Variants in PAK3 observed in about 807,000 individuals in gnomAD.
PAK3 encodes the protein p21 (RAC1) activated kinase 3, also known as serine/threonine-protein kinase PAK 3.
Under a neutral mutation model 41.0 loss-of-function variants are expected in PAK3, and 4 were observed. The observed-to-expected ratio is 0.10, with a 90% CI of 0.05 to 0.22. PAK3 has a LOEUF of 0.22. Ranked by LOEUF, PAK3 falls within the 10% of genes least tolerant of loss-of-function variation. PAK3 has a pLI of 1.00. For missense variants in PAK3, 205 were observed against 409.9 expected, an observed-to-expected ratio of 0.50 and a Z score of 4.32; for synonymous variants, 146 against 139.6, an observed-to-expected ratio of 1.05 and a Z score of -0.32.
At chrX:110,948,109 G>A (rs754008144) in intron 1 of PAK3, among the ~76,000 whole-genome samples, 1 of 111,897 alleles carries the variant, frequency 8.9e-6, no homozygotes, top group African/African-American at 3.3e-5. Context: ...TGCTTTGACT[G>A]CAGAGACCTA....
chrX:111,065,096 G>C (rs769669021), intron 1 of PAK3, among the ~76,000 whole-genome samples: 1 of 112,149 alleles, frequency 8.9e-6, no homozygotes, highest in South Asian at 3.7e-4. Context: ...GTACTATGTT[G>C]AATAGGAGTG....
intron 6 of PAK3, among the ~76,000 whole-genome samples, chrX:111,142,871 A>G (rs1358148338): frequency 9.0e-6 from 1 of 111,096 alleles, no homozygotes; most frequent in African/African-American, 3.3e-5. Flanking sequence ...TGGACAGACC[A>G]TAGCTATAGA....
chrX:110,975,394 A>G (rs2091307241), intron 1 of PAK3, among the ~76,000 whole-genome samples: 1 of 111,901 alleles, frequency 8.9e-6, no homozygotes, highest in Admixed American at 9.5e-5. Context: ...TAGGAATCCA[A>G]CTAACAAGGG....
At chrX:111,180,023 G>T (rs188042336) in intron 11 of PAK3, among the ~76,000 whole-genome samples, 1 of 111,264 alleles carries the variant, frequency 9.0e-6, no homozygotes, top group Non-Finnish European at 1.9e-5. Context: ...CTCCCAAAGT[G>T]CTGGGATTAC....
intron 1 of PAK3, among the ~76,000 whole-genome samples, chrX:110,978,297 T>A (rs754377525): frequency 2.8e-4 from 31 of 111,635 alleles, no homozygotes; most frequent in Admixed American, 4.8e-4. Context: ...TATTTTTTTG[T>A]TTTTGTTTTT....
chrX:110,953,996 A>C (rs1325354746), intron 1 of PAK3, among the ~76,000 whole-genome samples: 1 of 111,506 alleles, frequency 9.0e-6, no homozygotes, highest in Admixed American at 9.5e-5. Flanking sequence ...GACTTTTTCA[A>C]CTTTTGTTCT....
chrX:111,067,385 C>T (rs1004560452), intron 1 of PAK3, among the ~76,000 whole-genome samples: 4 of 111,399 alleles, frequency 3.6e-5, no homozygotes, highest in African/African-American at 9.8e-5. Flanking sequence ...TTATTTTTCT[C>T]ATTTTTTGTG....
intron 8 of PAK3, among the ~76,000 whole-genome samples, chrX:111,157,679 C>T (rs747860444): frequency 4.6e-5 from 5 of 108,910 alleles, no homozygotes; most frequent in South Asian, 4.0e-4. Flanking sequence ...CCCAGCTACT[C>T]GGGAGGCTGA....
intron 10 of PAK3, among the ~76,000 whole-genome samples, chrX:111,170,732 A>G (rs779468615): frequency 3.4e-4 from 38 of 111,500 alleles, no homozygotes; most frequent in South Asian, 1.9e-3. Flanking sequence ...TTTAAATGAC[A>G]AATAAGAATT....
rs142890115 is a variant in PAK3 at position 111,144,855 on chromosome X, T to C, written c.276+2659T>C. The C allele has an allele frequency of 6.2e-3, 6,916 of 1,120,401 alleles. 24 individuals are homozygous for C. Among genetic ancestry groups the C allele is most frequent in the Middle Eastern group, 8.5e-3 (35 of 4,126 alleles). The allele number at this position is 1,120,401 out of a possible 1,213,427, so 92.3% of individuals were successfully genotyped here. On this transcript the variant is annotated intron_variant, in intron 6 of 17. Transcript: ENST00000372007. ...ATATTGCCATTTTTGTCCCAAATAC[T>C]TCAGAACTCCCCTTTCCAGACCTCT...
At position 110,956,721 on chromosome X, in the gene PAK3, C is replaced by G. The variant is rs187495549; in HGVS notation, c.-28+12093C>G. ...AGTTCTGTCATTGCCCTCCCCACGCCTCCCCTGTCGGCTCCACCAGCCATA... is the reference window on the plus strand; with the variant it reads ...AGTTCTGTCATTGCCCTCCCCACGCGTCCCCTGTCGGCTCCACCAGCCATA... On this transcript the variant is annotated intron_variant, in intron 1 of 14. Coordinates refer to the PAK3 transcript ENST00000425146. Among the ~76,000 whole-genome samples the G allele has an allele frequency of 7.7e-3, 861 of 111,542 alleles. 9 individuals are homozygous for G. The highest frequency in any genetic ancestry group is 0.025 in the African/African-American group (779 of 30,646).
intron 14 of PAK3, among the ~76,000 whole-genome samples, chrX:111,194,834 A>G (rs1256334867): frequency 1.8e-5 from 2 of 112,058 alleles, no homozygotes; most frequent in African/African-American, 6.5e-5. Context: ...TTAGAAGGCA[A>G]TTTAAACAAG....
At chrX:111,171,203 G>C (rs992419091) in intron 10 of PAK3, among the ~76,000 whole-genome samples, 2 of 111,448 alleles carry the variant, frequency 1.8e-5, no homozygotes, top group Admixed American at 9.5e-5. Flanking sequence ...ATGAATACGA[G>C]TGACAACTAG....
intron 1 of PAK3, among the ~76,000 whole-genome samples, chrX:111,038,251 T>TAA (rs1470677471): frequency 1.8e-5 from 2 of 112,241 alleles, no homozygotes; most frequent in Non-Finnish European, 3.8e-5. Flanking sequence ...GACTATAGCA[T>TAA]AAAGGGCATT....
At chrX:111,163,424 C>CG (rs2094214537) in intron 9 of PAK3, 138 bp from the exon 10 acceptor site, 7 of 525,475 alleles carry the variant, frequency 1.3e-5, no homozygotes, top group Non-Finnish European at 2.3e-5. Context: ...CAGTGTTGTA[C>CG]TTTCAGCTAC....
At chrX:111,119,118 C>T (rs1467054687) in intron 4 of PAK3, among the ~76,000 whole-genome samples, 1 of 111,266 alleles carries the variant, frequency 9.0e-6, no homozygotes, top group Non-Finnish European at 1.9e-5. Context: ...GAGAGGTAAT[C>T]TCTCCTAGTA....
chrX:111,113,462 C>G (rs770025937), intron 4 of PAK3, among the ~76,000 whole-genome samples: 1 of 111,291 alleles, frequency 9.0e-6, no homozygotes, highest in African/African-American at 3.3e-5. Context: ...AAACACATTC[C>G]TTGTGTGTGG....
chrX:111,077,456 T>C (rs188489079), intron 1 of PAK3, among the ~76,000 whole-genome samples: 79 of 111,502 alleles, frequency 7.1e-4, no homozygotes, highest in African/African-American at 2.5e-3. Context: ...GGCATAAGAA[T>C]AGATATATAG....
At chrX:110,979,092 T>C (rs1233171471) in intron 1 of PAK3, among the ~76,000 whole-genome samples, 2 of 111,054 alleles carry the variant, frequency 1.8e-5, no homozygotes, top group Non-Finnish European at 3.8e-5. Flanking sequence ...ATCTACATTG[T>C]CAAATTAATG....
Sources: allele counts gnomAD v4.1 joint callset (sites outside exome capture counted in the v4.1 genomes callset), GRCh38; gene constraint gnomAD v4.1.1; transcripts MANE v1.5; gene names NCBI Gene and HGNC (gene_info 2026-07-23, HGNC 2026-07-21).